The following RBFOX1 variants were observed in gnomAD, a reference collection of about 807,000 sequenced individuals.
RBFOX1 encodes the protein RNA binding fox-1 homolog 1.
Under a neutral mutation model 57.7 loss-of-function variants are expected in RBFOX1, and 8 were observed. The ratio of observed to expected loss-of-function variants is 0.14; its 90% CI spans 0.08 to 0.25. RBFOX1 has a LOEUF of 0.25. Ranked by LOEUF, RBFOX1 falls within the 10% of genes least tolerant of loss-of-function variation. The pLI, the probability that RBFOX1 is intolerant of heterozygous loss-of-function variation, is 1.00. For synonymous variants in RBFOX1, 326 were observed against 222.4 expected, an observed-to-expected ratio of 1.47 and a Z score of -4.15; for missense variants, 611 against 548.5, an observed-to-expected ratio of 1.11 and a Z score of -1.14.
intron 3 of RBFOX1, among the ~76,000 whole-genome samples, chr16:5,653,453 AC>A (rs1446938604): frequency 1.3e-5 from 1 of 77,436 alleles, no homozygotes; most frequent in Non-Finnish European, 2.7e-5. Context: ...CGTGTGCTCC[AC>A]CTTTGTACGG....
At chr16:6,348,217 C>G (rs969034176) in intron 2 of RBFOX1, among the ~76,000 whole-genome samples, 7 of 152,116 alleles carry the variant, frequency 4.6e-5, no homozygotes, top group Admixed American at 3.3e-4. Context: ...GTCAGGCCAT[C>G]CAGGTTCACA....
At chr16:7,489,015 C>G (rs1016902481) in intron 4 of RBFOX1, among the ~76,000 whole-genome samples, 3 of 152,120 alleles carry the variant, frequency 2.0e-5, no homozygotes, top group African/African-American at 7.2e-5. Context: ...TTATATCTAC[C>G]TACCTATGCA....
chr16:5,496,304 C>G (rs1265111115), intron 2 of RBFOX1, among the ~76,000 whole-genome samples: 1 of 152,176 alleles, frequency 6.6e-6, no homozygotes, highest in East Asian at 1.9e-4. Flanking sequence ...TGTCAAGAGC[C>G]TGGACATTGG....
intron 2 of RBFOX1, among the ~76,000 whole-genome samples, chr16:6,421,405 C>G (rs1421439604): frequency 6.6e-6 from 1 of 152,092 alleles, no homozygotes; most frequent in Admixed American, 6.6e-5. Flanking sequence ...ATCTGAGGAC[C>G]ACGCGATTTT....
chr16:6,287,848 C>G (rs751571973), intron 1 of RBFOX1, among the ~76,000 whole-genome samples: 38 of 152,104 alleles, frequency 2.5e-4, no homozygotes, highest in Non-Finnish European at 4.7e-4. Context: ...CTAGAAAGAT[C>G]TTTAGGAAAT....
At chr16:5,361,149 G>C (rs990759183) in intron 1 of RBFOX1, among the ~76,000 whole-genome samples, 1 of 152,178 alleles carries the variant, frequency 6.6e-6, no homozygotes, top group Non-Finnish European at 1.5e-5. Flanking sequence ...AGATGTAAAA[G>C]GCAAAGCTGG....
rs142066677 is a variant in RBFOX1, at chr16:5,500,033, C to G, written c.258+32779C>G. ...TCTCGCATTTGCCTAGATCTGTGAT[C>G]CATGCAAACCCATGAGGTCTACTCT... is the stretch of plus-strand genomic sequence containing the variant. On this transcript the variant is annotated intron_variant, in intron 2 of 2. Transcript: ENST00000585867. Among the ~76,000 whole-genome samples, 909 of 152,252 alleles carry G rather than the reference C, an allele frequency of 6.0e-3. 11 individuals are homozygous for G. Among genetic ancestry groups the G allele is most frequent in the African/African-American group, 0.02 (850 of 41,536 alleles).
At chr16:7,367,824 C>G (rs1318144072) in intron 4 of RBFOX1, among the ~76,000 whole-genome samples, 1 of 151,708 alleles carries the variant, frequency 6.6e-6, no homozygotes, top group East Asian at 1.9e-4. Context: ...TGGGGATATT[C>G]ATTATGATGA....
intron 1 of RBFOX1, among the ~76,000 whole-genome samples, chr16:6,160,290 G>C (rs2096868417): frequency 6.6e-6 from 1 of 152,154 alleles, no homozygotes; most frequent in Non-Finnish European, 1.5e-5. Flanking sequence ...TATTTGAGGT[G>C]TATGCAACAT....
intron 3 of RBFOX1, among the ~76,000 whole-genome samples, chr16:6,676,307 A>G (rs993120343): frequency 1.3e-5 from 2 of 152,090 alleles, no homozygotes; most frequent in Non-Finnish European, 2.9e-5. Context: ...TGGATAGGGA[A>G]TAGAGTACTA....
intron 3 of RBFOX1, among the ~76,000 whole-genome samples, chr16:6,811,355 G>A (rs920851411): frequency 1.3e-5 from 2 of 152,154 alleles, no homozygotes; most frequent in Non-Finnish European, 2.9e-5. Context: ...ATATTATGGG[G>A]TAGGATCACT....
chr16:6,813,372 A>C (rs2089255531), intron 3 of RBFOX1, among the ~76,000 whole-genome samples: 1 of 152,080 alleles, frequency 6.6e-6, no homozygotes, highest in Non-Finnish European at 1.5e-5. Context: ...TGCTTGTTGC[A>C]ATTCCCATCT....
At chr16:6,671,997 G>T (rs1213859405) in intron 3 of RBFOX1, among the ~76,000 whole-genome samples, 2 of 152,164 alleles carry the variant, frequency 1.3e-5, no homozygotes, top group African/African-American at 4.8e-5. Flanking sequence ...AAATGGCTTG[G>T]TCATATGTTA....
intron 4 of RBFOX1, among the ~76,000 whole-genome samples, chr16:7,337,893 TAGGC>T (rs2096823549): frequency 6.6e-6 from 1 of 152,154 alleles, no homozygotes; most frequent in Non-Finnish European, 1.5e-5. Context: ...CCATGTTGGT[TAGGC>T]TCATCTTGAA....
intron 1 of RBFOX1, among the ~76,000 whole-genome samples, chr16:5,460,258 C>T (rs1461944220): frequency 6.6e-6 from 1 of 152,188 alleles, no homozygotes. Flanking sequence ...CTTTTGCAAC[C>T]CTCAGACCTT....
At chr16:7,278,601 A>G (rs987058628) in intron 4 of RBFOX1, among the ~76,000 whole-genome samples, 1 of 152,172 alleles carries the variant, frequency 6.6e-6, no homozygotes, top group African/African-American at 2.4e-5. Context: ...TTCTGTTTGT[A>G]TCCTTTCCTA....
At chr16:7,088,287 A>G (rs1380592959) in intron 4 of RBFOX1, among the ~76,000 whole-genome samples, 2 of 152,202 alleles carry the variant, frequency 1.3e-5, no homozygotes, top group South Asian at 2.1e-4. Flanking sequence ...ATTACCAAGA[A>G]TGAACTGCTC....
At chr16:7,148,629 T>A (rs566336982) in intron 4 of RBFOX1, among the ~76,000 whole-genome samples, 5 of 152,356 alleles carry the variant, frequency 3.3e-5, no homozygotes, top group Admixed American at 3.3e-4. Context: ...CTTGTACTTG[T>A]GATAAATTCC....
intron 4 of RBFOX1, among the ~76,000 whole-genome samples, chr16:5,869,715 T>C (rs1012816392): frequency 6.6e-6 from 1 of 152,184 alleles, no homozygotes. Context: ...TCACAAGATA[T>C]TTCTTATCCT....
Sources: allele counts gnomAD v4.1 joint callset (sites outside exome capture counted in the v4.1 genomes callset), GRCh38; gene constraint gnomAD v4.1.1; transcripts MANE v1.5; gene names NCBI Gene and HGNC (gene_info 2026-07-23, HGNC 2026-07-21).